The following STK33 variants were observed in gnomAD, a reference collection of about 807,000 sequenced individuals.
STK33 encodes serine/threonine kinase 33.
STK33 carries 52 observed loss-of-function variants against 58.0 expected under a neutral mutation model. The observed-to-expected ratio is 0.90, with a 90% confidence interval of 0.72 to 1.13. The LOEUF is 1.13. Among genes scored for constraint, STK33 ranks in the 50% most tolerant of loss-of-function variants. The pLI is 0.00. For missense variants in STK33, 630 were observed against 604.2 expected, an observed-to-expected ratio of 1.04 and a Z score of -0.45; for synonymous variants, 215 against 200.1, an observed-to-expected ratio of 1.07 and a Z score of -0.63.
chr11:8,552,672 A>G (rs937648441), intron 1 of STK33, among the ~76,000 whole-genome samples: 3 of 152,106 alleles, frequency 2.0e-5, no homozygotes, highest in African/African-American at 4.8e-5. Context: ...AGGATCATCA[A>G]TATCACTGTC....
chr11:8,538,751 A>G (rs995495519), intron 1 of STK33, among the ~76,000 whole-genome samples: 1 of 152,222 alleles, frequency 6.6e-6, no homozygotes, highest in Non-Finnish European at 1.5e-5. Context: ...ATGAATGAAC[A>G]CACACACATA....
chr11:8,363,745 GTTTC>G, the STK33 span, among the ~76,000 whole-genome samples: 2 of 152,164 alleles, frequency 1.3e-5, no homozygotes, highest in Non-Finnish European at 1.5e-5. Flanking sequence ...ACCTTTAGAA[GTTTC>G]TTTGTCAAAA....
chr11:8,462,440 T>TACACACACACACAC (rs201221789), intron 7 of STK33, among the ~76,000 whole-genome samples: 5 of 126,498 alleles, frequency 4.0e-5, no homozygotes, highest in African/African-American at 8.4e-5. Flanking sequence ...TATATACATA[T>TACACACACACACAC]ATACACACAC....
At chr11:8,519,379 A>G (rs1953155291) in intron 1 of STK33, among the ~76,000 whole-genome samples, 1 of 152,238 alleles carries the variant, frequency 6.6e-6, no homozygotes, top group Non-Finnish European at 1.5e-5. Context: ...AATGCCCACA[A>G]GAGAAAGCAG....
chr11:8,522,464 G>T (rs1455986563), intron 1 of STK33, among the ~76,000 whole-genome samples: 1 of 141,944 alleles, frequency 7.0e-6, no homozygotes, highest in East Asian at 2.2e-4. Flanking sequence ...TCACACACTG[G>T]GGCCAAAAAA....
At chr11:8,395,068 G>C (rs1849103197) in intron 15 of STK33, among the ~76,000 whole-genome samples, 1 of 152,196 alleles carries the variant, frequency 6.6e-6, no homozygotes, top group Admixed American at 6.5e-5. Context: ...AATGGATGTG[G>C]TTGTCATTCC....
chr11:8,497,523 G>A (rs1051244893), intron 1 of STK33, among the ~76,000 whole-genome samples: 2 of 152,178 alleles, frequency 1.3e-5, no homozygotes, highest in African/African-American at 4.8e-5. Flanking sequence ...AGGCTGGAGT[G>A]TAGTAGCATG....
chr11:8,462,599 G>C (rs934752024), intron 7 of STK33, among the ~76,000 whole-genome samples: 2 of 151,868 alleles, frequency 1.3e-5, no homozygotes, highest in South Asian at 2.1e-4. Flanking sequence ...GAAAGAGAGA[G>C]AGACAGACAG....
At chr11:8,526,477 A>G (rs1954034923) in intron 1 of STK33, among the ~76,000 whole-genome samples, 1 of 152,094 alleles carries the variant, frequency 6.6e-6, no homozygotes, top group Admixed American at 6.6e-5. Flanking sequence ...AAATATACGC[A>G]TATCTTATAA....
At chr11:8,363,883 T>TA in the STK33 span, among the ~76,000 whole-genome samples, 2 of 152,190 alleles carry the variant, frequency 1.3e-5, no homozygotes, top group African/African-American at 4.8e-5. Context: ...CATTAAGAAT[T>TA]AAAGTGTTTC....
intron 1 of STK33, among the ~76,000 whole-genome samples, chr11:8,494,433 C>T (rs1211382509): frequency 2.0e-5 from 3 of 151,798 alleles, no homozygotes; most frequent in South Asian, 2.1e-4. Flanking sequence ...CACTGCTCAA[C>T]GAAATAAAGG....
At chr11:8,450,319 C>T (rs1946117630) in intron 11 of STK33, among the ~76,000 whole-genome samples, 1 of 152,112 alleles carries the variant, frequency 6.6e-6, no homozygotes, top group African/African-American at 2.4e-5. Context: ...TAAAACCAAA[C>T]ACTCCATGTT....
chr11:8,563,660 G>A (rs187516068), intron 1 of STK33, among the ~76,000 whole-genome samples: 69 of 152,246 alleles, frequency 4.5e-4, no homozygotes, highest in African/African-American at 1.5e-3. Context: ...GGAACCCCCA[G>A]TTCTTACATA....
At chr11:8,371,072 T>G in the STK33 span, among the ~76,000 whole-genome samples, 5 of 152,004 alleles carry the variant, frequency 3.3e-5, no homozygotes, top group Non-Finnish European at 7.4e-5. Flanking sequence ...AGTGGGGGCC[T>G]GGGGCAGAGG....
chr11:8,580,036 C>A (rs2029870976), intron 1 of STK33, among the ~76,000 whole-genome samples: 1 of 152,030 alleles, frequency 6.6e-6, no homozygotes, highest in Admixed American at 6.6e-5. Flanking sequence ...ATTAGTACAA[C>A]CACTATGGAG....
At chr11:8,511,893 T>A (rs1010726357) in intron 1 of STK33, among the ~76,000 whole-genome samples, 1 of 152,186 alleles carries the variant, frequency 6.6e-6, no homozygotes, top group Admixed American at 6.6e-5. Context: ...TGTTGAAGAT[T>A]TTTGCATCTA....
At chr11:8,544,553 G>A (rs529515650) in intron 1 of STK33, among the ~76,000 whole-genome samples, 1 of 151,408 alleles carries the variant, frequency 6.6e-6, no homozygotes, top group African/African-American at 2.4e-5. Context: ...TAAGGAAAGT[G>A]AACTATATAT....
intron 1 of STK33, among the ~76,000 whole-genome samples, chr11:8,487,128 A>G (rs1296382904): frequency 6.6e-6 from 1 of 152,142 alleles, no homozygotes; most frequent in Admixed American, 6.5e-5. Context: ...TGAATTTAAG[A>G]GTTATTTCAC....
At chr11:8,357,063 C>T in the STK33 span, among the ~76,000 whole-genome samples, 3 of 152,228 alleles carry the variant, frequency 2.0e-5, no homozygotes, top group Admixed American at 2.0e-4. Flanking sequence ...CAGCTGTCTC[C>T]CTCCTTCCCG....
Sources: gnomAD v4.1 joint callset for allele counts (sites outside exome capture counted in the v4.1 genomes callset) on GRCh38, gnomAD v4.1.1 for gene constraint, MANE v1.5 for transcripts, NCBI Gene and HGNC (gene_info 2026-07-23, HGNC 2026-07-21) for gene names.